WDR88: variants seen among roughly 807,000 people sequenced by gnomAD.
WDR88 encodes the protein WD repeat domain 88.
A neutral mutation model predicts 46.8 loss-of-function variants in WDR88; 40 were observed. The observed-to-expected ratio is 0.86, with a 90% CI of 0.66 to 1.11. The LOEUF (loss-of-function observed/expected upper bound fraction) is 1.11, where lower values mean the gene tolerates loss of function less well. Among genes scored for constraint, WDR88 ranks in the 50% most tolerant of loss-of-function variants. The probability of loss-of-function intolerance (pLI) is 0.00; values close to 1 mark genes in which losing one functional copy is unlikely to be tolerated. For missense variants in WDR88, 562 were observed against 602.4 expected (o/e 0.93, Z 0.70); for synonymous variants, 235 against 240.7 (o/e 0.98, Z 0.22).
intron 9 of WDR88, among the ~76,000 whole-genome samples, chr19:33,167,668 CTTCT>C (rs1304912842): frequency 6.7e-6 from 1 of 149,638 alleles, no homozygotes; most frequent in Non-Finnish European, 1.5e-5. Flanking sequence ...TCCTTCCTTC[CTTCT>C]CTTCCTTCCT....
At chr19:33,156,045 C>T (rs1257462936) in intron 6 of WDR88, among the ~76,000 whole-genome samples, 1 of 152,240 alleles carries the variant, frequency 6.6e-6, no homozygotes, top group Non-Finnish European at 1.5e-5. Context: ...GCCTGGGTAA[C>T]ATAGCGAAAC....
At chr19:33,173,289 C>G (rs8111689) in intron 10 of WDR88, among the ~76,000 whole-genome samples, 25,043 of 151,824 alleles carry the variant, frequency 0.16, 2,680 homozygotes, top group Admixed American at 0.28. Context: ...GGCACTGCGT[C>G]AGCCTCCTAC....
intron 7 of WDR88, among the ~76,000 whole-genome samples, chr19:33,157,641 GTGTGTGTGTA>G (rs1568367517): frequency 7.4e-5 from 9 of 121,788 alleles, no homozygotes; most frequent in African/African-American, 3.0e-4. Context: ...GTGTATATAT[GTGTGTGTGTA>G]TGTATATATG....
intron 6 of WDR88, among the ~76,000 whole-genome samples, chr19:33,152,870 G>A (rs1973662762): frequency 6.6e-6 from 1 of 152,120 alleles, no homozygotes; most frequent in South Asian, 2.1e-4. Context: ...ACAGTGCTGG[G>A]ATTAAGAACT....
intron 9 of WDR88, among the ~76,000 whole-genome samples, chr19:33,171,434 C>G (rs1380302909): frequency 6.6e-6 from 1 of 152,102 alleles, no homozygotes; most frequent in Non-Finnish European, 1.5e-5. Context: ...ACATCTGTTA[C>G]AAAAATGACC....
At chr19:33,175,334 G>C in intron 10 of WDR88, 62 bp from the exon 11 acceptor site, 1 of 1,534,754 alleles carries the variant, frequency 6.5e-7, no homozygotes, top group Non-Finnish European at 8.9e-7. Flanking sequence ...AATTCTAATG[G>C]CATGCCTGGA....
chr19:33,155,540 A>G (rs1973717349), intron 6 of WDR88, among the ~76,000 whole-genome samples: 1 of 152,208 alleles, frequency 6.6e-6, no homozygotes, highest in African/African-American at 2.4e-5. Context: ...GGGAGAGTGA[A>G]TAGTTGGGGT....
intron 8 of WDR88, 95 bp downstream of exon 8, chr19:33,160,591 C>T (rs1973849139): frequency 7.5e-7 from 1 of 1,335,776 alleles, no homozygotes; most frequent in Admixed American, 1.8e-5. Flanking sequence ...CTGTGAGTGA[C>T]ACAGGCCTTG....
rs772340255 is a variant in WDR88 at position 33,148,877 on chromosome 19, G to A, written c.646G>A (p.Ala216Thr). Reference sequence around the variant, plus strand: ...GGATCATGGAATCTGCATAATGGACGCCGAGAACATCACCACCGTTTCCGT... The same window carrying A: ...GGATCATGGAATCTGCATAATGGACACCGAGAACATCACCACCGTTTCCGT... ...DVDHGICIMD[A>T]ENITTVSVIK... Residue 216 changes from alanine to threonine, a missense_variant, in exon 5 of 11, where the codon GCC becomes ACC. Physicochemically the swap from Ala to Thr is moderately conservative, Grantham distance 58 (BLOSUM62 0). Coordinates refer to ENST00000355868, the MANE Select transcript of WDR88 (RefSeq NM_173479.4). The A allele has an allele frequency of 1.2e-5, 20 of 1,614,070 alleles. No homozygotes were observed. The highest frequency in any genetic ancestry group is 1.7e-4 in the Middle Eastern group (1 of 6,060).
chr19:33,151,254 C>T lies in WDR88; in HGVS notation c.753C>T (p.Asp251=). The T allele has an allele frequency of 1.2e-6, 2 of 1,613,708 alleles. No homozygotes were observed. The highest frequency in any genetic ancestry group is 1.7e-6 in the Non-Finnish European group (2 of 1,179,892). Residue 251 remains aspartate, a synonymous_variant, in exon 6 of 11, where the codon GAC becomes GAT. Transcript: ENST00000355868. The part of the protein sequence containing the change: ...DSQRVASVSL[D]RCIKIWDVTS... ...AGAGGGTGGCTTCTGTCTCATTGGA[C>T]AGGTGCATCAAGATCTGGGATGTTA... is the stretch of plus-strand genomic sequence containing the variant.
At chr19:33,146,511 T>G (rs1973522208) in intron 3 of WDR88, among the ~76,000 whole-genome samples, 1 of 151,012 alleles carries the variant, frequency 6.6e-6, no homozygotes, top group South Asian at 2.1e-4. Flanking sequence ...CCTTCCTCCC[T>G]TCCTCCCTTC....
chr19:33,160,932 G>A (rs902668719), intron 8 of WDR88, among the ~76,000 whole-genome samples: 1 of 152,196 alleles, frequency 6.6e-6, no homozygotes, highest in Non-Finnish European at 1.5e-5. Flanking sequence ...AGTACTTTGG[G>A]AGGCTGAGGT....
At chr19:33,171,545 G>A (rs1296067363) in intron 9 of WDR88, among the ~76,000 whole-genome samples, 1 of 152,038 alleles carries the variant, frequency 6.6e-6, no homozygotes, top group Non-Finnish European at 1.5e-5. Flanking sequence ...TAAGTTACCA[G>A]ACTGTACTGT....
intron 2 of WDR88, among the ~76,000 whole-genome samples, chr19:33,141,206 G>C (rs1973384159): frequency 1.3e-5 from 2 of 148,400 alleles, no homozygotes; most frequent in African/African-American, 5.1e-5. Flanking sequence ...AAAAGTGCTG[G>C]GATTACAGGT....
chr19:33,158,237 G>C (rs975942752), intron 7 of WDR88, among the ~76,000 whole-genome samples: 3 of 152,066 alleles, frequency 2.0e-5, no homozygotes, highest in African/African-American at 7.2e-5. Flanking sequence ...GGCCTGGCTT[G>C]AGAAGCACTA....
chr19:33,142,076 G>A (rs992148248), intron 2 of WDR88, among the ~76,000 whole-genome samples: 2 of 152,128 alleles, frequency 1.3e-5, no homozygotes, highest in African/African-American at 4.8e-5. Flanking sequence ...GGCAGAGAGG[G>A]GAGGCCAGGG....
At chr19:33,144,343 G>A (rs894623886) in intron 2 of WDR88, among the ~76,000 whole-genome samples, 3 of 152,128 alleles carry the variant, frequency 2.0e-5, no homozygotes, top group African/African-American at 7.2e-5. Context: ...GGGACTACAG[G>A]CGCGCGCCAC....
intron 9 of WDR88, among the ~76,000 whole-genome samples, chr19:33,164,913 C>A (rs1377250264): frequency 1.3e-5 from 2 of 151,836 alleles, no homozygotes; most frequent in Non-Finnish European, 2.9e-5. Flanking sequence ...ATACAACCCA[C>A]CATTATGTAG....
intron 5 of WDR88, among the ~76,000 whole-genome samples, chr19:33,150,048 G>A (rs1973601483): frequency 6.6e-6 from 1 of 152,184 alleles, no homozygotes; most frequent in East Asian, 1.9e-4. Flanking sequence ...GTTCCCATGG[G>A]GGCTGCTGGG....
Sources: gnomAD v4.1 joint callset for allele counts (sites outside exome capture counted in the v4.1 genomes callset) on GRCh38, gnomAD v4.1.1 for gene constraint, MANE v1.5 for transcripts, NCBI Gene and HGNC (gene_info 2026-07-23, HGNC 2026-07-21) for gene names.